NCOR2: variants seen among roughly 807,000 people sequenced by gnomAD.
NCOR2 encodes the protein CTG repeat protein 26.
Under a neutral mutation model 262.9 loss-of-function variants are expected in NCOR2, and 81 were observed. The observed-to-expected ratio is 0.31, with a 90% confidence interval of 0.26 to 0.37. The LOEUF is 0.37. NCOR2 is among the 10% of genes least tolerant of loss of function. NCOR2 has a pLI of 1.00. For synonymous variants in NCOR2, 1,659 were observed against 1,559.3 expected (o/e 1.06, Z -1.51); for missense variants, 3,385 against 3,621.4 (o/e 0.93, Z 1.68).
At chr12:124,470,451 C>T (rs2046775144) in intron 4 of NCOR2, among the ~76,000 whole-genome samples, 1 of 152,104 alleles carries the variant, frequency 6.6e-6, no homozygotes. Flanking sequence ...CCCAAATGGC[C>T]ACAGATGATG....
At chr12:124,408,326 C>T (rs540663458) in intron 13 of NCOR2, among the ~76,000 whole-genome samples, 9 of 151,638 alleles carry the variant, frequency 5.9e-5, no homozygotes, top group African/African-American at 9.7e-5. Context: ...TGCACTGCAG[C>T]CTGGGTGACA....
intron 40 of NCOR2, 61 bp from the exon 43 acceptor site, chr12:124,334,678 GT>G: frequency 1.1e-6 from 1 of 891,202 alleles, no homozygotes; most frequent in South Asian, 2.1e-5. Context: ...CCTTCTGGGG[GT>G]GGGGAGGGGC....
chr12:124,476,580 G>T (rs924051005), intron 3 of NCOR2, among the ~76,000 whole-genome samples: 1 of 152,162 alleles, frequency 6.6e-6, no homozygotes, highest in African/African-American at 2.4e-5. Context: ...TCCATCCCCA[G>T]GGCTAACAGG....
At chr12:124,325,374 A>ACCCCC (rs2034531199) in exon 47 of NCOR2, 7 of 316,850 alleles carry the variant, frequency 2.2e-5, no homozygotes, top group East Asian at 1.2e-4. Context: ...GGGACCTGAC[A>ACCCCC]CCGCCCCCCC....
chr12:124,380,897 A>G (rs2040365730), intron 17 of NCOR2, among the ~76,000 whole-genome samples: 2 of 152,236 alleles, frequency 1.3e-5, no homozygotes, highest in South Asian at 4.2e-4. Context: ...CCTTACACAC[A>G]TGGTCCGGCA....
At chr12:124,426,377 G>C (rs754388434) in intron 11 of NCOR2, among the ~76,000 whole-genome samples, 9 of 152,212 alleles carry the variant, frequency 5.9e-5, no homozygotes, top group Non-Finnish European at 1.3e-4. Context: ...GAAGGCCAAG[G>C]ATGCTGGCAG....
Position 124,439,865 on chromosome 12 carries a change from GA to G in NCOR2, c.816-1870del, listed in dbSNP as rs547582982. On this transcript the variant is annotated intron_variant, in intron 7 of 46. Transcript: ENST00000405201. ...GAGAGGGAAAGAGACAAGACCCGAA[GA>G]AAGGGGACAGGGACCCTGAGACAGG... is the stretch of plus-strand genomic sequence containing the variant. Among the ~76,000 whole-genome samples, 184 of 151,974 alleles carry G rather than the reference GA, an allele frequency of 1.2e-3. 1 individual carries two copies. The highest frequency in any genetic ancestry group is 9.5e-3 in the Admixed American group (145 of 15,280).
At chr12:124,396,294 C>T (rs896064020) in intron 16 of NCOR2, among the ~76,000 whole-genome samples, 3 of 152,214 alleles carry the variant, frequency 2.0e-5, no homozygotes, top group Admixed American at 6.5e-5. Flanking sequence ...GTACTTCATG[C>T]CACTGAGATG....
intron 18 of NCOR2, among the ~76,000 whole-genome samples, chr12:124,377,833 C>A (rs761917897): frequency 9.4e-5 from 14 of 148,338 alleles, no homozygotes; most frequent in Non-Finnish European, 1.9e-4. Flanking sequence ...AGCAAGACTC[C>A]GTCTGAAAAA....
chr12:124,343,177 C>T (rs571877591), exon 33 of NCOR2: 24 of 1,609,342 alleles, frequency 1.5e-5, no homozygotes, highest in Admixed American at 1.0e-4. Flanking sequence ...TCTCACGAGG[C>T]GTCGACGTCA....
intron 5 of NCOR2, among the ~76,000 whole-genome samples, chr12:124,459,645 C>G (rs970378913): frequency 6.6e-6 from 1 of 152,216 alleles, no homozygotes; most frequent in Admixed American, 6.5e-5. Context: ...CAAGGACGTT[C>G]TGCAGGGAGC....
chr12:124,355,036 T>C, intron 24 of NCOR2, 97 bp from the exon 27 acceptor site: 1 of 1,032,706 alleles, frequency 9.7e-7, no homozygotes, highest in Admixed American at 2.7e-5. Flanking sequence ...CACGTGTGGG[T>C]CAGAGGCTGG....
In NCOR2 at chr12:124,399,257, C is replaced by A. The variant is rs1470009792; in HGVS notation, c.1814-1076G>T. ...TCATCGATGCTCCCATTCCTCCCCACAGGACTCCCAGAGGAAGCCTACAGA... is the reference window on the plus strand; with the variant it reads ...TCATCGATGCTCCCATTCCTCCCCAAAGGACTCCCAGAGGAAGCCTACAGA... On this transcript the variant is annotated intron_variant, in intron 15 of 46. Transcript: ENST00000405201. Among the ~76,000 whole-genome samples the A allele has an allele frequency of 3.9e-5, 6 of 152,258 alleles. No individual in the cohort carries two copies. The East Asian group carries it at 1.2e-3, about 29-fold the overall frequency.
chr12:124,562,844 T>C (rs1334061159), intron 1 of NCOR2, among the ~76,000 whole-genome samples: 2 of 152,142 alleles, frequency 1.3e-5, no homozygotes, highest in East Asian at 1.9e-4. Flanking sequence ...AGGAATTCTA[T>C]AGTGAAGTCT....
chr12:124,369,234 G>A (rs1279495475), intron 20 of NCOR2, among the ~76,000 whole-genome samples: 1 of 152,198 alleles, frequency 6.6e-6, no homozygotes, highest in Non-Finnish European at 1.5e-5. Flanking sequence ...TCGGGGTTTT[G>A]CAATTGAAGC....
intron 6 of NCOR2, among the ~76,000 whole-genome samples, chr12:124,452,097 G>T (rs1336085367): frequency 6.6e-6 from 1 of 152,230 alleles, no homozygotes; most frequent in Non-Finnish European, 1.5e-5. Flanking sequence ...CCTGAACAGA[G>T]GGCAGTTTCC....
In NCOR2 at chr12:124,433,875, C is replaced by CACACAA. The variant is rs1555222686; in HGVS notation, c.883-3089_883-3088insTTGTGT. Among the ~76,000 whole-genome samples the CACACAA allele has an allele frequency of 3.4e-4, 33 of 96,150 alleles. No individual in the cohort carries two copies. The South Asian group carries it at 4.4e-3, about 13-fold the overall frequency. 63.1% of individuals were successfully genotyped at this position (96,150 alleles called of 152,430 possible). ...ACACACACACACACACACACACACA[C>CACACAA]ACACACACACACACACACACACACG... On this transcript the variant is annotated intron_variant, in intron 8 of 46. Coordinates refer to ENST00000405201, the Ensembl canonical transcript of NCOR2.
chr12:124,526,858 C>T (rs139557007), intron 1 of NCOR2, among the ~76,000 whole-genome samples: 109 of 152,298 alleles, frequency 7.2e-4, no homozygotes, highest in African/African-American at 2.3e-3. Context: ...TGTGGTCTCA[C>T]TCATGCTCCT....
Position 124,483,717 on chromosome 12 carries a change from T to C in NCOR2, c.290A>G (p.Lys97Arg). 1 of 1,611,676 alleles carries C rather than the reference T, an allele frequency of 6.2e-7. No homozygotes were observed. The highest frequency in any genetic ancestry group is 1.1e-5 in the South Asian group (1 of 90,478). ...GCTTTCAATGAACTCCATCTCTGAC[T>C]TCCCCAGCTCGGGCAGGTATGAGTG... Residue 97 changes from lysine to arginine, a missense_variant, in exon 3 of 47, where the codon AAG becomes AGG. This residue lies in a region of NCOR2 where 237 missense variants were observed against 229.4 expected (regional missense o/e 1.03). Coordinates refer to ENST00000405201, the Ensembl canonical transcript of NCOR2. The surrounding 1 kb of genome is among the most constrained non-coding windows in gnomAD (Gnocchi z 6.3).
Sources: allele counts gnomAD v4.1 joint callset (sites outside exome capture counted in the v4.1 genomes callset), GRCh38; gene constraint gnomAD v4.1.1; regional missense constraint gnomAD v4.1.1; non-coding constraint Gnocchi (gnomAD v3.1); transcripts MANE v1.5; gene names NCBI Gene and HGNC (gene_info 2026-07-23, HGNC 2026-07-21).